Variants in PRDM15 observed in about 807,000 individuals in gnomAD.
PRDM15 encodes the protein PR/SET domain 15, also known as PR domain zinc finger protein 15.
In PRDM15, 64 loss-of-function variants were observed where a neutral mutation model predicts 128.6. The observed-to-expected ratio is 0.50, with a 90% CI of 0.41 to 0.61. PRDM15 has a LOEUF of 0.61. PRDM15 is among the 20% of genes least tolerant of loss of function. PRDM15 has a pLI of 0.00. For synonymous variants in PRDM15, 615 were observed against 621.8 expected (o/e 0.99, Z 0.16); for missense variants, 1,242 against 1,569.1 (o/e 0.79, Z 3.52).
intron 7 of PRDM15, 50 bp from the exon 8 acceptor site, chr21:41,838,113 AAC>A (rs746114924): frequency 6.3e-6 from 10 of 1,598,040 alleles, no homozygotes; most frequent in African/African-American, 4.0e-5. Context: ...GCAGGGGACA[AAC>A]ACAGTCAAAC....
In PRDM15 at chr21:41,836,480, C is replaced by T. The variant is rs1388582539; in HGVS notation, c.1171G>A (p.Val391Met). 6.2e-7 allele frequency: 1 copy of T among 1,610,862 alleles called. No individual in the cohort carries two copies. Among genetic ancestry groups the T allele is most frequent in the Non-Finnish European group, 8.5e-7 (1 of 1,178,920 alleles). The change falls in exon 9 of 24, where the codon GTG becomes ATG. Residue 391 changes from valine (V) to methionine (M), a missense_variant. Around this residue, in one of 3 missense-constraint regions of PRDM15, gnomAD observed 612 missense variants for 717.0 expected, o/e 0.85. Transcript: ENST00000398548. The part of the protein sequence containing the change: ...FQNSSNLSRH[V>M]RSHGDKLFKC... ...CTCGCGGACTCACCATGCGAGCGCACGTGCCTGCTCAGGTTGCTGCTGTTC... is the reference window on the plus strand; with the variant it reads ...CTCGCGGACTCACCATGCGAGCGCATGTGCCTGCTCAGGTTGCTGCTGTTC...
intron 1 of PRDM15, among the ~76,000 whole-genome samples, chr21:41,876,008 C>T (rs1379897485): frequency 6.6e-6 from 1 of 152,194 alleles, no homozygotes; most frequent in African/African-American, 2.4e-5. Context: ...ACCTGTACAG[C>T]ACTTAACTAA....
At chr21:41,822,252 C>T (rs909016165) in intron 14 of PRDM15, among the ~76,000 whole-genome samples, 2 of 152,266 alleles carry the variant, frequency 1.3e-5, no homozygotes, top group African/African-American at 2.4e-5. Flanking sequence ...TTGCTCTCCA[C>T]GCCGCCCGCG....
At position 41,857,156 on chromosome 21, in the gene PRDM15, T is replaced by C; in HGVS notation, c.285+20A>G. 6.3e-7 allele frequency: 1 copy of C among 1,596,622 alleles called. No homozygotes were observed. The highest frequency in any genetic ancestry group is 8.6e-7 in the Non-Finnish European group (1 of 1,168,570). ...GAAAAACACCCAGTTCCTGAGCTCC[T>C]GTTTGGCAACAGCCTTTACCTTCAG... On this transcript the variant is annotated intron_variant, in intron 4 of 23. Coordinates refer to ENST00000398548, the MANE Select transcript of PRDM15 (RefSeq NM_001040424.3).
chr21:41,801,819 A>ATGTCGT, intron 23 of PRDM15, 97 bp from the exon 24 acceptor site: 3 of 1,338,936 alleles, frequency 2.2e-6, no homozygotes, highest in African/African-American at 1.5e-5. Flanking sequence ...ACACCAAAGA[A>ATGTCGT]GCACGACATT....
intron 4 of PRDM15, among the ~76,000 whole-genome samples, chr21:41,856,463 A>C (rs1284101283): frequency 6.6e-6 from 1 of 151,626 alleles, no homozygotes; most frequent in African/African-American, 2.4e-5. Context: ...GGTCTCTAAG[A>C]AAAGTTTGCT....
intron 5 of PRDM15, 73 bp from the exon 6 acceptor site, chr21:41,847,264 G>A (rs1009460553): frequency 2.4e-5 from 26 of 1,077,536 alleles, no homozygotes; most frequent in African/African-American, 4.7e-5. Flanking sequence ...CCGGCGCAGC[G>A]GAGGAGGGGT....
chr21:41,875,150 TG>T (rs2064365461), intron 1 of PRDM15: 1 of 152,688 alleles, frequency 6.5e-6, no homozygotes. Context: ...CCTTCTGCCC[TG>T]GAGGGTCCCT....
intron 8 of PRDM15, among the ~76,000 whole-genome samples, chr21:41,837,648 C>T (rs903195581): frequency 6.6e-6 from 1 of 152,120 alleles, no homozygotes; most frequent in African/African-American, 2.4e-5. Context: ...ATCCTGAATG[C>T]CACTAAATTG....
intron 5 of PRDM15, among the ~76,000 whole-genome samples, chr21:41,850,793 AT>A (rs539294340): frequency 8.9e-4 from 135 of 152,306 alleles, no homozygotes; most frequent in African/African-American, 3.0e-3. Context: ...CCAGAAAAAA[AT>A]AATAAGTTAC....
In PRDM15 at chr21:41,839,869, C is replaced by T. The variant is rs139150748; in HGVS notation, c.641-16G>A. ...AACAGATGTTCTGCAAAGAGAGACG[C>T]GAATGCACCACACAATTAGGAAGCC... On this transcript the variant is annotated splice_polypyrimidine_tract_variant and intron_variant, in intron 6 of 23. Transcript: ENST00000398548. The T allele has an allele frequency of 2.2e-5, 36 of 1,607,076 alleles. No homozygotes were observed. The East Asian group carries it at 4.2e-4, about 19-fold the overall frequency.
chr21:41,860,287 G>A, intron 2 of PRDM15, 40 bp downstream of exon 2: 10 of 1,557,988 alleles, frequency 6.4e-6, no homozygotes, highest in Non-Finnish European at 8.9e-6. Flanking sequence ...TATGACATAG[G>A]GCTGGTCTCG....
intron 6 of PRDM15, among the ~76,000 whole-genome samples, chr21:41,845,978 A>G (rs143813416): frequency 6.6e-6 from 1 of 152,156 alleles, no homozygotes; most frequent in Non-Finnish European, 1.5e-5. Flanking sequence ...CTGCTCTGCT[A>G]TTTATGTCTT....
rs757865329 is a variant in PRDM15, at chr21:41,810,212, C to A, written c.2594G>T (p.Gly865Val). ...KVEAQSCQLC[G>V]TKVSTRASMS... ...GGAGGCCCTGGTGGACACCTTGGTC[C>A]CGCACAGCTGGCAGCTCTGCGCCTC... Residue 865 changes from glycine (G) to valine (V), a missense_variant, in exon 21 of 24, where the codon GGG (glycine) becomes GTG (valine). Around this residue, in one of 3 missense-constraint regions of PRDM15, gnomAD observed 602 missense variants for 788.3 expected, o/e 0.76. Transcript: ENST00000398548. This position sits in a 1 kb window ranked among gnomAD's most constrained non-coding sequence, Gnocchi z 6.4. The A allele has an allele frequency of 6.2e-7, 1 of 1,612,984 alleles. No individual in the cohort carries two copies.
chr21:41,840,701 A>G (rs936940579), intron 6 of PRDM15, among the ~76,000 whole-genome samples: 1 of 152,176 alleles, frequency 6.6e-6, no homozygotes, highest in Non-Finnish European at 1.5e-5. Flanking sequence ...AAACTCAAGA[A>G]GAATGGAATT....
intron 1 of PRDM15, chr21:41,878,797 G>A: frequency 7.8e-7 from 1 of 1,278,792 alleles, no homozygotes; most frequent in African/African-American, 1.6e-5. Context: ...ATCCCCTGGG[G>A]CCTCGGCGAC....
At chr21:41,822,125 C>T (rs754586978) in intron 14 of PRDM15, 88 bp from the exon 15 acceptor site, 10 of 1,569,882 alleles carry the variant, frequency 6.4e-6, no homozygotes, top group Admixed American at 3.4e-5. Flanking sequence ...CAATCATTTC[C>T]CCAGATGCAG....
At chr21:41,867,384 G>C in intron 1 of PRDM15, 2 of 1,610,114 alleles carry the variant, frequency 1.2e-6, no homozygotes, top group Non-Finnish European at 8.5e-7. Flanking sequence ...GGTCCTGAAA[G>C]CAGTGAAAGG....
At position 41,832,118 on chromosome 21, in the gene PRDM15, C is replaced by T. The variant is rs186532875; in HGVS notation, c.1366+3319G>A. 6.6e-6 allele frequency among the ~76,000 whole-genome samples: 1 copy of T among 152,352 alleles called. No individual in the cohort carries two copies. The highest frequency in any genetic ancestry group is 1.9e-4 in the East Asian group (1 of 5,188). On this transcript the variant is annotated intron_variant, in intron 11 of 23. Coordinates refer to ENST00000398548, the MANE Select transcript of PRDM15 (RefSeq NM_001040424.3). The surrounding 1 kb of genome is among the most constrained non-coding windows in gnomAD (Gnocchi z 4.2). ...GACGTTTTCATGATCACTTTAATGG[C>T]TACGTGATATTCCATCCAGCTCACT...
Sources: allele counts gnomAD v4.1 joint callset (sites outside exome capture counted in the v4.1 genomes callset), GRCh38; gene constraint gnomAD v4.1.1; regional missense constraint gnomAD v4.1.1; non-coding constraint Gnocchi (gnomAD v3.1); transcripts MANE v1.5; gene names NCBI Gene and HGNC (gene_info 2026-07-23, HGNC 2026-07-21).